The following MAPK10 variants were observed in gnomAD, a reference collection of about 807,000 sequenced individuals.
The protein encoded by MAPK10 is mitogen-activated protein kinase 10, also known as JNK3 alpha protein kinase.
Under a neutral mutation model 59.3 loss-of-function variants are expected in MAPK10, and 25 were observed. That is an observed-to-expected ratio of 0.42 (90% confidence interval 0.31 to 0.59). The LOEUF (loss-of-function observed/expected upper bound fraction) is 0.59. Ranked by LOEUF, MAPK10 falls within the 20% of genes least tolerant of loss-of-function variation. The pLI is 0.15. For synonymous variants in MAPK10, 190 were observed against 200.5 expected (o/e 0.95, Z 0.44); for missense variants, 351 against 568.9 (o/e 0.62, Z 3.90).
intron 1 of MAPK10, among the ~76,000 whole-genome samples, chr4:86,544,488 C>A (rs1758987846): frequency 6.6e-6 from 1 of 152,192 alleles, no homozygotes; most frequent in Non-Finnish European, 1.5e-5. Context: ...ATTTCTCTCT[C>A]TTTCTTGTCA....
At chr4:86,081,073 A>G (rs1261210436) in intron 9 of MAPK10, 4 of 151,968 alleles carry the variant, frequency 2.6e-5, no homozygotes, top group Non-Finnish European at 5.9e-5. Flanking sequence ...GAGATAGACA[A>G]ACAAACCAGT....
At chr4:86,144,908 G>A (rs989715609) in intron 4 of MAPK10, among the ~76,000 whole-genome samples, 2 of 151,922 alleles carry the variant, frequency 1.3e-5, no homozygotes, top group African/African-American at 4.8e-5. Context: ...ACAACTCTAT[G>A]AACACAATTG....
intron 1 of MAPK10, among the ~76,000 whole-genome samples, chr4:86,578,340 G>A (rs566884822): frequency 6.6e-6 from 1 of 152,244 alleles, no homozygotes; most frequent in East Asian, 1.9e-4. Flanking sequence ...AGAATGAAAA[G>A]GAATGGCAGT....
intron 2 of MAPK10, among the ~76,000 whole-genome samples, chr4:86,214,502 A>G (rs1339649499): frequency 1.4e-5 from 2 of 139,964 alleles, no homozygotes; most frequent in African/African-American, 2.9e-5. Context: ...GAAAACCCTT[A>G]AGATTCCTTA....
chr4:86,046,366 C>T (rs989247006), intron 11 of MAPK10, among the ~76,000 whole-genome samples: 2 of 151,706 alleles, frequency 1.3e-5, no homozygotes, highest in Non-Finnish European at 2.9e-5. Context: ...TGAGAGAGGG[C>T]ATCCTTGTCT....
chr4:86,064,549 CT>C, intron 10 of MAPK10, 159 bp from the exon 11 acceptor site: 1 of 671,816 alleles, frequency 1.5e-6, no homozygotes, highest in South Asian at 1.9e-5. Flanking sequence ...CATTTTACAC[CT>C]GTTTCTTTGT....
At chr4:86,018,245 C>A (rs1359472365) in intron 13 of MAPK10, among the ~76,000 whole-genome samples, 1 of 151,628 alleles carries the variant, frequency 6.6e-6, no homozygotes, top group African/African-American at 2.4e-5. Context: ...GACCACATCT[C>A]TAGAGAAAGG....
chr4:86,039,122 G>A (rs1480151312), intron 11 of MAPK10, among the ~76,000 whole-genome samples: 5 of 152,300 alleles, frequency 3.3e-5, no homozygotes, highest in Middle Eastern at 3.4e-3. Context: ...ATGTCAGCAA[G>A]ATGATAAAAT....
intron 4 of MAPK10, among the ~76,000 whole-genome samples, chr4:86,142,102 G>T (rs1276210460): frequency 2.0e-5 from 3 of 152,144 alleles, no homozygotes; most frequent in Admixed American, 1.3e-4. Context: ...GCACCAAGAA[G>T]TTAATGAGGG....
At chr4:86,103,628 G>A (rs1489965498) in intron 5 of MAPK10, among the ~76,000 whole-genome samples, 2 of 151,918 alleles carry the variant, frequency 1.3e-5, no homozygotes, top group African/African-American at 4.8e-5. Context: ...ACTTAGCAAG[G>A]GGATACTTCT....
At chr4:86,128,800 A>C (rs1346063711) in intron 4 of MAPK10, among the ~76,000 whole-genome samples, 1 of 152,122 alleles carries the variant, frequency 6.6e-6, no homozygotes, top group Admixed American at 6.5e-5. Context: ...TATAACTGAC[A>C]TCACTTGCTG....
intron 3 of MAPK10, among the ~76,000 whole-genome samples, chr4:86,179,642 A>G (rs573616193): frequency 3.7e-4 from 57 of 152,314 alleles, no homozygotes; most frequent in Non-Finnish European, 6.3e-4. Context: ...CACTGGCATA[A>G]AAACAGACAC....
intron 1 of MAPK10, among the ~76,000 whole-genome samples, chr4:86,469,424 A>G (rs770317291): frequency 6.6e-6 from 1 of 152,194 alleles, no homozygotes; most frequent in Non-Finnish European, 1.5e-5. Context: ...TATGCACACT[A>G]AGAACAAGAG....
intron 2 of MAPK10, among the ~76,000 whole-genome samples, chr4:86,270,940 T>C (rs142978276): frequency 2.0e-5 from 3 of 152,092 alleles, no homozygotes; most frequent in Admixed American, 1.3e-4. Flanking sequence ...GGGGTTATTT[T>C]CAGTTCGGAA....
At chr4:86,425,423 A>G (rs916514545) in intron 1 of MAPK10, among the ~76,000 whole-genome samples, 5 of 128,806 alleles carry the variant, frequency 3.9e-5, no homozygotes, top group African/African-American at 1.1e-4. Flanking sequence ...GTAATTTTCT[A>G]TTTTTCTGTA....
At chr4:86,386,321 C>G (rs951258608) in intron 1 of MAPK10, among the ~76,000 whole-genome samples, 1 of 152,202 alleles carries the variant, frequency 6.6e-6, no homozygotes, top group African/African-American at 2.4e-5. Context: ...GAAAAGTTAG[C>G]AGGAATGCTC....
At chr4:86,296,910 A>G (rs1483591246) in intron 2 of MAPK10, among the ~76,000 whole-genome samples, 1 of 152,180 alleles carries the variant, frequency 6.6e-6, no homozygotes, top group Non-Finnish European at 1.5e-5. Context: ...AATGTCTTGT[A>G]TTCTTCGTAT....
chr4:86,150,748 G>A (rs2066235314), intron 4 of MAPK10, among the ~76,000 whole-genome samples: 1 of 152,186 alleles, frequency 6.6e-6, no homozygotes, highest in Admixed American at 6.5e-5. Flanking sequence ...TGTAGTCCCA[G>A]CTACTCAGTA....
At chr4:86,194,079 A>C (rs925646479) in intron 3 of MAPK10, 2 of 441,012 alleles carry the variant, frequency 4.5e-6, no homozygotes, top group South Asian at 2.7e-5. Context: ...GGCTGCACCC[A>C]CTCTCTAACC....
Sources: gnomAD v4.1 joint callset for allele counts (sites outside exome capture counted in the v4.1 genomes callset) on GRCh38, gnomAD v4.1.1 for gene constraint, MANE v1.5 for transcripts, NCBI Gene and HGNC (gene_info 2026-07-23, HGNC 2026-07-21) for gene names.